ESPNL: variants seen among roughly 807,000 people sequenced by gnomAD.
The protein encoded by ESPNL is espin like.
Under a neutral mutation model 46.8 loss-of-function variants are expected in ESPNL, and 49 were observed. The ratio of observed to expected loss-of-function variants is 1.05; its 90% CI spans 0.83 to 1.33. ESPNL has a LOEUF of 1.33. ESPNL is among the 40% of genes most tolerant of loss of function. The pLI is 0.00. For missense variants in ESPNL, 1,540 were observed against 1,436.6 expected (o/e 1.07, Z -1.16); for synonymous variants, 664 against 662.1 (o/e 1.00, Z -0.04).
Position 238,128,971 on chromosome 2 carries a change from A to AG in ESPNL, c.1413+68dup. ...CCTTTTCCAGGTAGGTGGAAGTGGA[A>AG]GTCAGGGCGCCCGAAGCCCAGAACT... On this transcript the variant is annotated intron_variant, in intron 8 of 8. Transcript: ENST00000343063. The AG allele has an allele frequency of 2.7e-6, 4 of 1,492,314 alleles. No homozygotes were observed. The East Asian group carries it at 1.0e-4, about 37-fold the overall frequency. The allele number at this position is 1,492,314 out of a possible 1,614,324, so 92.4% of individuals were successfully genotyped here.
rs759178253 is a variant in ESPNL at position 238,130,850 on chromosome 2, C to T, written c.2136C>T (p.Ser712=). 26 of 1,551,802 alleles carry T rather than the reference C, an allele frequency of 1.7e-5. No homozygotes were observed. The highest frequency in any genetic ancestry group is 1.1e-4 in the African/African-American group (8 of 73,780). Residue 712 remains serine, a synonymous_variant, in exon 9 of 9, where the codon AGC becomes AGT. Coordinates refer to ENST00000343063, the MANE Select transcript of ESPNL (RefSeq NM_194312.4). ...GGCCTGGCGACACAGAGGAGGCCAGCGACTCTGGCATCAGCTGCGAGGAGG... is the reference window on the plus strand; with the variant it reads ...GGCCTGGCGACACAGAGGAGGCCAGTGACTCTGGCATCAGCTGCGAGGAGG... ...EPRPGDTEEA[S]DSGISCEEVP... is the part of the protein sequence containing the mutation.
chr2:238,104,118 A>C (rs1225982230), intron 2 of ESPNL, among the ~76,000 whole-genome samples: 1 of 152,088 alleles, frequency 6.6e-6, no homozygotes, highest in African/African-American at 2.4e-5. Context: ...TGAGAGGGGA[A>C]GGGCCCGGAG....
Position 238,130,978 on chromosome 2 carries a change from C to T in ESPNL, c.2264C>T (p.Thr755Met), listed in dbSNP as rs1000805144. 9.7e-6 allele frequency: 15 copies of T among 1,548,096 alleles called. No individual in the cohort carries two copies. Among genetic ancestry groups the T allele is most frequent in the African/African-American group, 2.7e-5 (2 of 73,146 alleles). The stretch of plus-strand genomic sequence containing the variant: ...AGCCACTGGAGGAGATCGGCCTACA[C>T]GCCGGCCCTCAAGACAGTGGCCTGC... ...FLSHWRRSAYTPALKTVACRT... is the reference protein window; with the variant it reads ...FLSHWRRSAYMPALKTVACRT... Residue 755 changes from threonine to methionine, a missense_variant, in exon 9 of 9, where the codon ACG becomes ATG. Transcript: ENST00000343063.
At position 238,131,076 on chromosome 2, in the gene ESPNL, C is replaced by T; in HGVS notation, c.2362C>T (p.Pro788Ser). The T allele has an allele frequency of 6.5e-7, 1 of 1,540,908 alleles. No individual in the cohort carries two copies. The highest frequency in any genetic ancestry group is 1.2e-5 in the South Asian group (1 of 83,878). ...CAGGAGCCCTGGGCCACCCTCCCCG[C>T]CCAGCGAGGGCCCCCGGCTGGGCCA... ...AARSPGPPSP[P>S]SEGPRLGHLW... Residue 788 changes from proline to serine, a missense_variant, in exon 9 of 9, where the codon CCC becomes TCC. Pro to Ser is a moderately conservative substitution (Grantham distance 74). Coordinates refer to ENST00000343063, the MANE Select transcript of ESPNL (RefSeq NM_194312.4).
At position 238,101,994 on chromosome 2, in the gene ESPNL, C is replaced by A. The variant is rs997016067; in HGVS notation, c.348C>A (p.His116Gln). The change falls in exon 2 of 9, where the codon CAC becomes CAA. Residue 116 changes from histidine to glutamine, a missense_variant. Physicochemically the swap from His to Gln is conservative, Grantham distance 24. Coordinates refer to ENST00000343063, the MANE Select transcript of ESPNL (RefSeq NM_194312.4). ...SPLHLAARFG[H>Q]PVLVEWLLHE... ...TGCACCTGGCCGCCCGTTTTGGACA[C>A]CCAGTGCTGGTGGAGTGGCTGCTCC... The A allele has an allele frequency of 2.0e-5, 32 of 1,610,668 alleles. No homozygotes were observed. The highest frequency in any genetic ancestry group is 2.6e-5 in the Non-Finnish European group (31 of 1,179,710).
At chr2:238,100,826 C>A in intron 1 of ESPNL, 113 bp downstream of exon 1, 2 of 927,394 alleles carry the variant, frequency 2.2e-6, no homozygotes, top group Non-Finnish European at 2.9e-6. Context: ...GGCCCTGGGC[C>A]CTTTGTTTCT....
intron 3 of ESPNL, among the ~76,000 whole-genome samples, chr2:238,105,722 G>A (rs928980243): frequency 3.3e-5 from 5 of 152,120 alleles, no homozygotes; most frequent in South Asian, 2.1e-4. Context: ...TGGGAGGACC[G>A]GGGCTCTTTC....
At position 238,131,742 on chromosome 2, in the gene ESPNL, C is replaced by T. The variant is rs1294492827; in HGVS notation, c.*10C>T. ...CAACTTTGGAGAATGACCCTACTGGCAGCCTGCTTTCCAGAATGTGGTTTG... is the reference window on the plus strand; with the variant it reads ...CAACTTTGGAGAATGACCCTACTGGTAGCCTGCTTTCCAGAATGTGGTTTG... On this transcript the variant is annotated 3_prime_UTR_variant, in exon 9 of 9. Coordinates refer to ENST00000343063, the MANE Select transcript of ESPNL (RefSeq NM_194312.4). The T allele has an allele frequency of 6.4e-7, 1 of 1,565,176 alleles. No homozygotes were observed. Among genetic ancestry groups the T allele is most frequent in the South Asian group, 1.2e-5 (1 of 85,180 alleles).
chr2:238,125,770 G>GAGTGGAGTGGAGTGC, intron 6 of ESPNL, among the ~76,000 whole-genome samples: 1 of 149,418 alleles, frequency 6.7e-6, no homozygotes. Flanking sequence ...GACCAGCTTG[G>GAGTGGAGTGGAGTGC]AGTGGAGTGG....
rs1350819220 is a variant in ESPNL, at chr2:238,100,372, G to A, written c.-48G>A. On this transcript the variant is annotated 5_prime_UTR_variant, in exon 1 of 9. Transcript: ENST00000343063. The stretch of plus-strand genomic sequence containing the variant: ...GCAGCTTCATCCACGTCTGAAACAG[G>A]AAGCCCCAGCCTGTGCATGAGTCGC... The A allele has an allele frequency of 2.0e-6, 3 of 1,474,742 alleles. No homozygotes were observed. Among genetic ancestry groups the A allele is most frequent in the South Asian group, 1.3e-5 (1 of 79,012 alleles). 91.4% of individuals were successfully genotyped at this position (1,474,742 alleles called of 1,614,324 possible).
At chr2:238,113,860 T>C (rs1305186727) in intron 4 of ESPNL, among the ~76,000 whole-genome samples, 1 of 152,180 alleles carries the variant, frequency 6.6e-6, no homozygotes, top group Non-Finnish European at 1.5e-5. Context: ...ATCATATAAC[T>C]GTTCTTCCGT....
intron 6 of ESPNL, among the ~76,000 whole-genome samples, chr2:238,126,944 T>TGTCTGTGATTGTGTGTGC (rs1692144390): frequency 2.2e-5 from 1 of 44,626 alleles, no homozygotes; most frequent in East Asian, 6.0e-4. Flanking sequence ...ATTGTGTGTG[T>TGTCTGTGATTGTGTGTGC]CACTGTTATT....
At chr2:238,117,072 G>T (rs758714826) in intron 5 of ESPNL, 38 bp downstream of exon 5, 1 of 1,582,148 alleles carries the variant, frequency 6.3e-7, no homozygotes, top group South Asian at 1.1e-5. Context: ...GGAGGCATGG[G>T]GGGTGGGCCC....
At position 238,130,944 on chromosome 2, in the gene ESPNL, C is replaced by A; in HGVS notation, c.2230C>A (p.Leu744Ile). 6.5e-7 allele frequency: 1 copy of A among 1,549,968 alleles called. No homozygotes were observed. The highest frequency in any genetic ancestry group is 8.7e-7 in the Non-Finnish European group (1 of 1,147,742). Reference protein sequence around the residue: ...ASLRKERIIMLFLSHWRRSAY... With the variant: ...ASLRKERIIMIFLSHWRRSAY... ...CCTGCGCAAGGAGCGCATCATCATGCTCTTCCTCAGCCACTGGAGGAGATC... is the reference window on the plus strand; with the variant it reads ...CCTGCGCAAGGAGCGCATCATCATGATCTTCCTCAGCCACTGGAGGAGATC... The change falls in exon 9 of 9, where the codon CTC becomes ATC. Residue 744 changes from leucine (L) to isoleucine (I), a missense_variant. By Grantham distance (5) the Leu-to-Ile change is conservative (BLOSUM62 2). Coordinates refer to ENST00000343063, the MANE Select transcript of ESPNL (RefSeq NM_194312.4).
intron 4 of ESPNL, among the ~76,000 whole-genome samples, chr2:238,113,628 AC>A (rs1340193651): frequency 6.6e-6 from 1 of 152,236 alleles, no homozygotes; most frequent in East Asian, 1.9e-4. Flanking sequence ...TTTGCTGGGC[AC>A]ATGTGGGCCT....
chr2:238,127,115 GAT>G (rs879319980), intron 6 of ESPNL, among the ~76,000 whole-genome samples: 1,432 of 134,220 alleles, frequency 0.011, 10 homozygotes, highest in Middle Eastern at 0.022. Flanking sequence ...TATGTGATGT[GAT>G]TGTGTCTGTG....
At chr2:238,110,993 C>A (rs1470002601) in intron 4 of ESPNL, among the ~76,000 whole-genome samples, 18 of 132,640 alleles carry the variant, frequency 1.4e-4, no homozygotes, top group African/African-American at 4.8e-4. Context: ...CACTCTGTCG[C>A]CCAGGCTGGA....
chr2:238,129,956 G>A (rs1039947132), intron 8 of ESPNL, among the ~76,000 whole-genome samples, 172 bp from the exon 9 acceptor site: 12 of 152,244 alleles, frequency 7.9e-5, no homozygotes, highest in South Asian at 2.1e-4. Context: ...AGAGCAAGAC[G>A]GGCAGAGCAG....
At position 238,100,572 on chromosome 2, in the gene ESPNL, C is replaced by T. The variant is rs765892172; in HGVS notation, c.153C>T (p.Cys51=). Residue 51 remains cysteine, a synonymous_variant, in exon 1 of 9, where the codon TGC becomes TGT. Coordinates refer to ENST00000343063, the MANE Select transcript of ESPNL (RefSeq NM_194312.4). ...CCACCCGGGCTGGCCACCTGGACTG[C>T]GTCAAGTTCTTGGTGCAGCGGGCCC... The part of the protein sequence containing the change: ...HHATRAGHLD[C]VKFLVQRAQL... The T allele has an allele frequency of 1.7e-5, 27 of 1,580,338 alleles. No individual in the cohort carries two copies. The highest frequency in any genetic ancestry group is 2.2e-5 in the Non-Finnish European group (26 of 1,165,580).
Sources: gnomAD v4.1 joint callset for allele counts (sites outside exome capture counted in the v4.1 genomes callset) on GRCh38, gnomAD v4.1.1 for gene constraint, MANE v1.5 for transcripts, NCBI Gene and HGNC (gene_info 2026-07-23, HGNC 2026-07-21) for gene names.